IGF2BP2: variants seen among roughly 807,000 people sequenced by gnomAD.
IGF2BP2 encodes insulin like growth factor 2 mRNA binding protein 2.
IGF2BP2 carries 17 observed loss-of-function variants against 75.8 expected under a neutral mutation model. The ratio of observed to expected loss-of-function variants is 0.22; its 90% CI spans 0.15 to 0.34. The LOEUF is 0.34. Ranked by LOEUF, IGF2BP2 falls within the 10% of genes least tolerant of loss-of-function variation. The pLI, the probability that IGF2BP2 is intolerant of heterozygous loss-of-function variation, is 1.00. For synonymous variants in IGF2BP2, 288 were observed against 295.6 expected, an observed-to-expected ratio of 0.97 and a Z score of 0.26; for missense variants, 516 against 772.4, an observed-to-expected ratio of 0.67 and a Z score of 3.93.
chr3:185,645,524 G>A lies in IGF2BP2; in HGVS notation c.*7C>T. ...CATCCGTTGTTTTGCTGGTGCCTGTGGGAGCCTCACTTGCTGCGCTGTGAG... is the reference window on the plus strand; with the variant it reads ...CATCCGTTGTTTTGCTGGTGCCTGTAGGAGCCTCACTTGCTGCGCTGTGAG... On this transcript the variant is annotated 3_prime_UTR_variant, in exon 16 of 16. Transcript: ENST00000382199. This position sits in a 1 kb window ranked among gnomAD's most constrained non-coding sequence, Gnocchi z 4.9. 1 of 1,598,590 alleles carries A rather than the reference G, an allele frequency of 6.3e-7. No individual in the cohort carries two copies. The highest frequency in any genetic ancestry group is 8.6e-7 in the Non-Finnish European group (1 of 1,166,048).
intron 2 of IGF2BP2, among the ~76,000 whole-genome samples, chr3:185,749,395 C>A (rs1730671245): frequency 6.6e-6 from 1 of 152,210 alleles, no homozygotes; most frequent in Non-Finnish European, 1.5e-5. Flanking sequence ...AATTAAAATA[C>A]ACAATCAATT....
At chr3:185,651,110 T>C (rs1180311850) in intron 13 of IGF2BP2, among the ~76,000 whole-genome samples, 2 of 152,114 alleles carry the variant, frequency 1.3e-5, no homozygotes, top group Non-Finnish European at 1.5e-5. Flanking sequence ...GGGGTCTCAC[T>C]GTGTTGCCCA....
intron 12 of IGF2BP2, 148 bp downstream of exon 12, chr3:185,657,138 A>G: frequency 1.7e-6 from 1 of 578,964 alleles, no homozygotes; most frequent in Non-Finnish European, 3.1e-6. Flanking sequence ...ATGAGAGCGG[A>G]CGGGAATAGT....
At chr3:185,786,195 A>C (rs1256665930) in intron 2 of IGF2BP2, among the ~76,000 whole-genome samples, 2 of 152,068 alleles carry the variant, frequency 1.3e-5, no homozygotes, top group African/African-American at 4.8e-5. Flanking sequence ...AAAGGCTGCA[A>C]GTCATTACAA....
chr3:185,694,055 C>A (rs1722272188), intron 4 of IGF2BP2, among the ~76,000 whole-genome samples: 2 of 152,148 alleles, frequency 1.3e-5, no homozygotes, highest in Admixed American at 6.6e-5. Context: ...CAGCTGCAGC[C>A]TTTATGGGTT....
Position 185,657,370 on chromosome 3 carries a change from G to A in IGF2BP2, c.1302C>T (p.Ile434=), listed in dbSNP as rs1260458015. ...YPEQEIVNLF[I]PTQAVGAIIG... is the part of the protein sequence containing the mutation. ...TGATGGCGCCCACAGCCTGGGTTGG[G>A]ATGAAGAGATTCACAATCTCCTGCT... The change falls in exon 12 of 16, where the codon ATC becomes ATT. Residue 434 remains isoleucine, a synonymous_variant. Coordinates refer to ENST00000382199, the MANE Select transcript of IGF2BP2 (RefSeq NM_006548.6). 6.2e-7 allele frequency: 1 copy of A among 1,613,866 alleles called. No homozygotes were observed. The highest frequency in any genetic ancestry group is 8.5e-7 in the Non-Finnish European group (1 of 1,179,854).
intron 2 of IGF2BP2, among the ~76,000 whole-genome samples, chr3:185,799,734 A>G (rs914404262): frequency 1.3e-5 from 2 of 151,444 alleles, no homozygotes; most frequent in Non-Finnish European, 2.9e-5. Flanking sequence ...CCTGGGAGAC[A>G]GAGCGAGACT....
At chr3:185,751,542 CTGCTGAGGCAG>C (rs1447035907) in intron 2 of IGF2BP2, among the ~76,000 whole-genome samples, 1 of 151,620 alleles carries the variant, frequency 6.6e-6, no homozygotes, top group Admixed American at 6.6e-5. Flanking sequence ...TAGTATTCTC[CTGCTGAGGCAG>C]GAGAATTGCT....
intron 2 of IGF2BP2, among the ~76,000 whole-genome samples, chr3:185,744,375 G>A (rs1184250844): frequency 1.3e-5 from 2 of 151,914 alleles, no homozygotes; most frequent in Non-Finnish European, 2.9e-5. Context: ...TTTTGTGTAT[G>A]ATATAGTCTG....
Position 185,652,164 on chromosome 3 carries a change from G to A in IGF2BP2, c.1391C>T (p.Ala464Val). The part of the protein sequence containing the change: ...ARFAGASIKI[A>V]PAEGPDVSER... Reference sequence around the variant, plus strand: ...GCTGACGTCTGGGCCTTCCGCAGGGGCAATCTGTGGTTCACAGGAGAGGAA... The same window carrying A: ...GCTGACGTCTGGGCCTTCCGCAGGGACAATCTGTGGTTCACAGGAGAGGAA... The change falls in exon 13 of 16, where the codon GCC becomes GTC. Residue 464 changes from alanine (A) to valine (V), a missense_variant. Around this residue, in one of 3 missense-constraint regions of IGF2BP2, gnomAD observed 129 missense variants for 230.5 expected, o/e 0.56. Transcript: ENST00000382199. 6.2e-7 allele frequency: 1 copy of A among 1,611,478 alleles called. No homozygotes were observed. The highest frequency in any genetic ancestry group is 8.5e-7 in the Non-Finnish European group (1 of 1,178,248).
chr3:185,671,044 T>C (rs1351791041), intron 10 of IGF2BP2, among the ~76,000 whole-genome samples: 6 of 152,198 alleles, frequency 3.9e-5, no homozygotes, highest in African/African-American at 1.4e-4. Context: ...TTGTACCTCA[T>C]TGGGCCATTC....
chr3:185,678,378 T>C (rs776264476), intron 7 of IGF2BP2, among the ~76,000 whole-genome samples: 5 of 152,130 alleles, frequency 3.3e-5, no homozygotes, highest in Non-Finnish European at 5.9e-5. Context: ...AAGGAGAAAT[T>C]AAGATTCCCA....
chr3:185,738,085 T>C (rs982742620), intron 2 of IGF2BP2, among the ~76,000 whole-genome samples: 1 of 152,242 alleles, frequency 6.6e-6, no homozygotes, highest in Admixed American at 6.5e-5. Context: ...CCAAATCTAA[T>C]GAATTGCTTT....
Position 185,696,652 on chromosome 3 carries a change from T to A in IGF2BP2, c.300A>T (p.Gly100=). 2 of 1,613,706 alleles carry A rather than the reference T, an allele frequency of 1.2e-6. No homozygotes were observed. The highest frequency in any genetic ancestry group is 1.7e-6 in the Non-Finnish European group (2 of 1,179,850). ...CCACTGTCCCATATTGAGCCAAAAG[T>A]CCATCCAACACCTAAAAGAGAAAGC... ...PPHLQWEVLD[G]LLAQYGTVEN... Residue 100 remains glycine (G), a synonymous_variant, in exon 4 of 16, where the codon GGA becomes GGT. Transcript: ENST00000382199.
intron 10 of IGF2BP2, 29 bp downstream of exon 10, chr3:185,672,512 A>C: frequency 6.2e-7 from 1 of 1,607,552 alleles, no homozygotes; most frequent in African/African-American, 1.3e-5. Flanking sequence ...CCAGCGCATA[A>C]GCAAACCTCC....
intron 10 of IGF2BP2, among the ~76,000 whole-genome samples, chr3:185,667,636 G>C (rs1486842674): frequency 6.6e-6 from 1 of 152,080 alleles, no homozygotes; most frequent in East Asian, 1.9e-4. Flanking sequence ...ATGAATTCTG[G>C]TGGAGAGAAA....
chr3:185,661,097 CT>C (rs1716357898), intron 10 of IGF2BP2, among the ~76,000 whole-genome samples: 1 of 152,168 alleles, frequency 6.6e-6, no homozygotes, highest in African/African-American at 2.4e-5. Context: ...TGAGTAACAG[CT>C]GAAAAATTGT....
At chr3:185,783,329 G>A (rs537354533) in intron 2 of IGF2BP2, among the ~76,000 whole-genome samples, 40 of 152,210 alleles carry the variant, frequency 2.6e-4, no homozygotes, top group Non-Finnish European at 5.0e-4. Flanking sequence ...CCCTCAGGTG[G>A]GAGAGTGGGC....
intron 2 of IGF2BP2, among the ~76,000 whole-genome samples, chr3:185,816,830 T>C (rs1740676731): frequency 6.6e-6 from 1 of 152,240 alleles, no homozygotes; most frequent in Non-Finnish European, 1.5e-5. Context: ...ATAATACTAC[T>C]ACCATTGTTT....
Sources: gnomAD v4.1 joint callset for allele counts (sites outside exome capture counted in the v4.1 genomes callset) on GRCh38, gnomAD v4.1.1 for gene constraint, gnomAD v4.1.1 regional missense constraint, Gnocchi (gnomAD v3.1) non-coding constraint, MANE v1.5 for transcripts, NCBI Gene and HGNC (gene_info 2026-07-23, HGNC 2026-07-21) for gene names.